The following NXPE4 variants were observed in gnomAD, a reference collection of about 807,000 sequenced individuals.
NXPE4 encodes neurexophilin and PC-esterase domain family member 4, also known as NXPE family member 4.
In NXPE4, 42 loss-of-function variants were observed where a neutral mutation model predicts 33.3. The observed-to-expected ratio is 1.26, with a 90% CI of 0.98 to 1.63. NXPE4 has a LOEUF of 1.63. NXPE4 is among the 40% of genes most tolerant of loss of function. NXPE4 has a pLI of 0.00. For missense variants in NXPE4, 709 were observed against 647.6 expected, an observed-to-expected ratio of 1.09 and a Z score of -1.03; for synonymous variants, 253 against 234.9, an observed-to-expected ratio of 1.08 and a Z score of -0.71.
the NXPE4 span, among the ~76,000 whole-genome samples, chr11:114,619,606 A>G: frequency 3.0e-5 from 4 of 131,324 alleles, no homozygotes; most frequent in African/African-American, 1.2e-4. Context: ...AGTGCTTCCC[A>G]GTGGAAAATG....
At chr11:114,628,286 A>C in the NXPE4 span, among the ~76,000 whole-genome samples, 3 of 151,160 alleles carry the variant, frequency 2.0e-5, no homozygotes, top group African/African-American at 2.4e-5. Context: ...CTCTCCTCAG[A>C]AAATGTAAAA....
At chr11:114,671,791 A>G in the NXPE4 span, among the ~76,000 whole-genome samples, 1 of 152,064 alleles carries the variant, frequency 6.6e-6, no homozygotes, top group Non-Finnish European at 1.5e-5. Flanking sequence ...AAGAAATAGC[A>G]AGGAGAATTC....
chr11:114,638,865 T>C, the NXPE4 span, among the ~76,000 whole-genome samples: 1 of 151,912 alleles, frequency 6.6e-6, no homozygotes, highest in African/African-American at 2.4e-5. Flanking sequence ...GAGGTGTCAG[T>C]CTGCCCCTAC....
the NXPE4 span, among the ~76,000 whole-genome samples, chr11:114,603,679 C>T: frequency 5.9e-5 from 9 of 151,374 alleles, no homozygotes; most frequent in Admixed American, 2.0e-4. Flanking sequence ...TCTTGGGTAA[C>T]TCCTATTACC....
intron 2 of NXPE4, among the ~76,000 whole-genome samples, chr11:114,587,415 T>G (rs571616476): frequency 6.6e-6 from 1 of 152,320 alleles, no homozygotes; most frequent in East Asian, 1.9e-4. Context: ...CAAACCTGCA[T>G]TCTCTATTAA....
At chr11:114,634,069 A>C in the NXPE4 span, among the ~76,000 whole-genome samples, 1 of 151,850 alleles carries the variant, frequency 6.6e-6, no homozygotes, top group South Asian at 2.1e-4. Context: ...ACTAGTTTAC[A>C]GTTCCACCAA....
the NXPE4 span, among the ~76,000 whole-genome samples, chr11:114,611,125 T>C: frequency 6.6e-6 from 1 of 151,690 alleles, no homozygotes; most frequent in Non-Finnish European, 1.5e-5. Context: ...TAGTTAGTAT[T>C]GCCTCATGGG....
the NXPE4 span, among the ~76,000 whole-genome samples, chr11:114,645,528 A>G: frequency 6.6e-6 from 1 of 152,182 alleles, no homozygotes; most frequent in Non-Finnish European, 1.5e-5. Context: ...AATGTTGATA[A>G]ATTTAACTAT....
chr11:114,668,814 C>A, the NXPE4 span, among the ~76,000 whole-genome samples: 2 of 152,030 alleles, frequency 1.3e-5, no homozygotes, highest in African/African-American at 4.8e-5. Flanking sequence ...TTGGCAAATC[C>A]TCTCCCAGAA....
At chr11:114,667,390 A>G in the NXPE4 span, among the ~76,000 whole-genome samples, 14,044 of 152,222 alleles carry the variant, frequency 0.092, 769 homozygotes, top group Middle Eastern at 0.2. Context: ...AGACTTCTAA[A>G]TGTTAATTCA....
chr11:114,630,618 G>T, the NXPE4 span, among the ~76,000 whole-genome samples: 2 of 151,172 alleles, frequency 1.3e-5, no homozygotes, highest in African/African-American at 4.9e-5. Flanking sequence ...CATGGGCAAG[G>T]ACTTCATGTC....
the NXPE4 span, among the ~76,000 whole-genome samples, chr11:114,643,686 T>A: frequency 6.6e-6 from 1 of 151,250 alleles, no homozygotes; most frequent in East Asian, 1.9e-4. Context: ...TAAAGTCAGG[T>A]AGCATGATGC....
the NXPE4 span, among the ~76,000 whole-genome samples, chr11:114,638,773 A>G: frequency 4.7e-3 from 713 of 152,066 alleles, 17 homozygotes; most frequent in African/African-American, 0.016. Flanking sequence ...TGTCTGCAGA[A>G]CAGCGGATTT....
At chr11:114,601,506 AATTATAT>A in the NXPE4 span, among the ~76,000 whole-genome samples, 1 of 19,844 alleles carries the variant, frequency 5.0e-5, no homozygotes, top group Admixed American at 7.0e-4. Flanking sequence ...ATAGTATATA[AATTATAT>A]ATTATATATT....
the NXPE4 span, among the ~76,000 whole-genome samples, chr11:114,656,052 C>T: frequency 6.6e-6 from 1 of 152,152 alleles, no homozygotes; most frequent in East Asian, 1.9e-4. Context: ...CCCAAAACTT[C>T]TTGAACTGAT....
At position 114,570,767 on chromosome 11, in the gene NXPE4, CA is replaced by C; in HGVS notation, c.*170del. The stretch of plus-strand genomic sequence containing the variant: ...TTAGTTTTATTTTTAAGTGGAAGCC[CA>C]GATTAGAAACATCTCATTTAGCTGA... On this transcript the variant is annotated 3_prime_UTR_variant, in exon 6 of 6. Transcript: ENST00000375478. The C allele has an allele frequency of 3.8e-6, 2 of 526,960 alleles. No individual in the cohort carries two copies. The highest frequency in any genetic ancestry group is 6.6e-6 in the Non-Finnish European group (2 of 301,590). The allele number at this position is 526,960 out of a possible 1,614,324, so 32.6% of individuals were successfully genotyped here. A position where few individuals can be genotyped will look rare whatever the true frequency, so the allele number is the denominator to read the frequency against.
chr11:114,573,925 C>T (rs968509351), intron 5 of NXPE4, among the ~76,000 whole-genome samples: 5 of 152,050 alleles, frequency 3.3e-5, no homozygotes, highest in African/African-American at 1.2e-4. Context: ...TTTATCAGCA[C>T]ATGGAACATT....
the NXPE4 span, among the ~76,000 whole-genome samples, chr11:114,608,870 C>T: frequency 6.6e-6 from 1 of 151,474 alleles, no homozygotes; most frequent in Admixed American, 6.6e-5. Flanking sequence ...ACCACTCTTA[C>T]CCGGTGGATA....
chr11:114,676,914 T>C, the NXPE4 span, among the ~76,000 whole-genome samples: 2 of 151,976 alleles, frequency 1.3e-5, no homozygotes, highest in Admixed American at 6.6e-5. Flanking sequence ...ACATAAACAG[T>C]TGGGTGTTGC....
Sources: gnomAD v4.1 joint callset for allele counts (sites outside exome capture counted in the v4.1 genomes callset) on GRCh38, gnomAD v4.1.1 for gene constraint, MANE v1.5 for transcripts, NCBI Gene and HGNC (gene_info 2026-07-23, HGNC 2026-07-21) for gene names.